Variants in CSMD1 observed in about 807,000 individuals in gnomAD.
CSMD1 encodes the protein CUB and Sushi multiple domains 1, also known as CUB and sushi domain-containing protein 1.
Under a neutral mutation model 417.5 loss-of-function variants are expected in CSMD1, and 213 were observed. That is an observed-to-expected ratio of 0.51 (90% CI 0.46 to 0.57). The LOEUF (loss-of-function observed/expected upper bound fraction) is 0.57, where lower values mean the gene tolerates loss of function less well. CSMD1 is among the 20% of genes least tolerant of loss of function. CSMD1 has a pLI of 0.00. For missense variants in CSMD1, 6,923 were observed against 4,529.7 expected, an observed-to-expected ratio of 1.53 and a Z score of -15.17; for synonymous variants, 2,862 against 1,736.8, an observed-to-expected ratio of 1.65 and a Z score of -16.11.
At chr8:4,179,417 A>G (rs1798231684) in intron 3 of CSMD1, among the ~76,000 whole-genome samples, 1 of 152,120 alleles carries the variant, frequency 6.6e-6, no homozygotes, top group African/African-American at 2.4e-5. Context: ...CACCCTATAC[A>G]AAAATCAATT....
chr8:4,265,410 G>C lies in CSMD1; in HGVS notation c.415+154543C>G, dbSNP rs775996762. On this transcript the variant is annotated intron_variant, in intron 3 of 69. Transcript: ENST00000635120. ...GTAAACAGTTAATGCACCATATTCA[G>C]AGTTCTTCAAAGCCAGTTGAAAAAG... Among the ~76,000 whole-genome samples the C allele has an allele frequency of 1.8e-4, 8 of 45,220 alleles. 3 individuals are homozygous for C. Among genetic ancestry groups the C allele is most frequent in the Non-Finnish European group, 6.8e-4 (6 of 8,786 alleles). The allele number at this position is 45,220 out of a possible 152,430, so 29.7% of individuals were successfully genotyped here.
chr8:4,480,680 G>T (rs927356196), intron 2 of CSMD1, among the ~76,000 whole-genome samples: 1 of 152,226 alleles, frequency 6.6e-6, no homozygotes, highest in Admixed American at 6.5e-5. Flanking sequence ...ATGGGTCCTT[G>T]TGTAGCTGTG....
chr8:3,113,281 G>C (rs1167482918), intron 42 of CSMD1: 1 of 152,198 alleles, frequency 6.6e-6, no homozygotes, highest in African/African-American at 2.4e-5. Flanking sequence ...ATCAGCAACT[G>C]AAAGGGATAG....
At chr8:3,844,021 T>C (rs1348371441) in intron 5 of CSMD1, among the ~76,000 whole-genome samples, 1 of 152,212 alleles carries the variant, frequency 6.6e-6, no homozygotes, top group Non-Finnish European at 1.5e-5. Context: ...TATGTAGTCA[T>C]TGTTATTACA....
intron 2 of CSMD1, among the ~76,000 whole-genome samples, chr8:4,463,591 C>A (rs1200555820): frequency 6.6e-6 from 1 of 152,052 alleles, no homozygotes; most frequent in East Asian, 1.9e-4. Flanking sequence ...AGTGAACTGC[C>A]GATTTATTCC....
chr8:3,828,315 C>G (rs1034789156), intron 5 of CSMD1, among the ~76,000 whole-genome samples: 3 of 152,148 alleles, frequency 2.0e-5, no homozygotes, highest in African/African-American at 7.2e-5. Flanking sequence ...CCTGTCTCAG[C>G]TTTCACTTAA....
chr8:3,776,509 C>G (rs1036706653), intron 5 of CSMD1, among the ~76,000 whole-genome samples: 1 of 152,164 alleles, frequency 6.6e-6, no homozygotes, highest in African/African-American at 2.4e-5. Flanking sequence ...CTCTTAAACA[C>G]CCTGGGGCCT....
intron 5 of CSMD1, among the ~76,000 whole-genome samples, chr8:3,824,121 G>C (rs1423124664): frequency 1.3e-5 from 2 of 152,032 alleles, no homozygotes; most frequent in African/African-American, 4.8e-5. Flanking sequence ...TGCTATGTCG[G>C]AAGAAATATC....
intron 7 of CSMD1, among the ~76,000 whole-genome samples, chr8:3,667,439 C>A (rs777640694): frequency 6.6e-6 from 1 of 150,430 alleles, no homozygotes; most frequent in Non-Finnish European, 1.5e-5. Context: ...TGGATAGCAG[C>A]CATTGGCAAG....
intron 26 of CSMD1, among the ~76,000 whole-genome samples, chr8:3,246,557 C>T (rs920857222): frequency 6.6e-6 from 1 of 152,112 alleles, no homozygotes; most frequent in Non-Finnish European, 1.5e-5. Flanking sequence ...CTGCAACCGC[C>T]ACCTCCCGTG....
At chr8:3,625,060 C>A (rs1796429288) in intron 7 of CSMD1, among the ~76,000 whole-genome samples, 1 of 140,928 alleles carries the variant, frequency 7.1e-6, no homozygotes, top group South Asian at 2.3e-4. Context: ...GACATTTCTA[C>A]ATGCATAACA....
chr8:4,832,836 T>G (rs778462891), intron 1 of CSMD1, among the ~76,000 whole-genome samples: 1 of 152,008 alleles, frequency 6.6e-6, no homozygotes. Context: ...TACCCTGTGA[T>G]AAAAGCAGGT....
intron 2 of CSMD1, among the ~76,000 whole-genome samples, chr8:4,421,243 G>T (rs985763148): frequency 2.6e-5 from 4 of 151,886 alleles, no homozygotes; most frequent in African/African-American, 9.7e-5. Context: ...TTTAAGAAAG[G>T]AAAAACAAAA....
chr8:3,995,534 C>T (rs938450822), intron 5 of CSMD1, among the ~76,000 whole-genome samples: 1 of 152,186 alleles, frequency 6.6e-6, no homozygotes, highest in African/African-American at 2.4e-5. Context: ...CTGGACTACA[C>T]TGACTGAGGG....
chr8:3,688,164 C>T (rs1052050544), intron 7 of CSMD1, among the ~76,000 whole-genome samples: 4 of 152,160 alleles, frequency 2.6e-5, no homozygotes, highest in Non-Finnish European at 4.4e-5. Context: ...AATAAAAATA[C>T]ATGAGAGAGC....
chr8:3,406,230 A>G lies in CSMD1; in HGVS notation c.2072-9T>C, dbSNP rs1199298069. ...CTCATTCTGACCAAATGCTGAAAGA[A>G]AAAGAAGAAGAAAAAAGGAATAAAA... is the stretch of plus-strand genomic sequence containing the variant. On this transcript the variant is annotated splice_polypyrimidine_tract_variant and intron_variant, in intron 14 of 69. Transcript: ENST00000635120. 6.4e-7 allele frequency: 1 copy of G among 1,572,008 alleles called. No individual in the cohort carries two copies. The highest frequency in any genetic ancestry group is 1.2e-5 in the South Asian group (1 of 84,752).
chr8:4,749,190 A>G (rs991076721), intron 1 of CSMD1, among the ~76,000 whole-genome samples: 1 of 152,268 alleles, frequency 6.6e-6, no homozygotes, highest in Non-Finnish European at 1.5e-5. Flanking sequence ...GATATGGATT[A>G]GAATATTCTT....
chr8:4,175,313 T>C (rs1797981896), intron 3 of CSMD1, among the ~76,000 whole-genome samples: 1 of 152,200 alleles, frequency 6.6e-6, no homozygotes, highest in African/African-American at 2.4e-5. Context: ...AATCTTCCAT[T>C]GTTTAGGTTA....
chr8:3,465,262 C>A (rs903323488), intron 12 of CSMD1, among the ~76,000 whole-genome samples: 3 of 152,108 alleles, frequency 2.0e-5, no homozygotes, highest in Admixed American at 6.5e-5. Context: ...ACCCTACTTG[C>A]TTTCTGAAAA....
Sources: gnomAD v4.1 joint callset for allele counts (sites outside exome capture counted in the v4.1 genomes callset) on GRCh38, gnomAD v4.1.1 for gene constraint, MANE v1.5 for transcripts, NCBI Gene and HGNC (gene_info 2026-07-23, HGNC 2026-07-21) for gene names.